Variants in CAPZA1 observed in about 807,000 individuals in gnomAD.
CAPZA1 encodes capping actin protein of muscle Z-line subunit alpha 1, also known as F-actin-capping protein subunit alpha-1.
In CAPZA1, 10 loss-of-function variants were observed where a neutral mutation model predicts 40.8. That is an observed-to-expected ratio of 0.25 (90% CI 0.15 to 0.42). The LOEUF (loss-of-function observed/expected upper bound fraction) is 0.42, where lower values mean the gene tolerates loss of function less well. Ranked by LOEUF, CAPZA1 falls within the 10% of genes least tolerant of loss-of-function variation. The pLI, the probability that CAPZA1 is intolerant of heterozygous loss-of-function variation, is 1.00. For missense variants in CAPZA1, 277 were observed against 353.8 expected (o/e 0.78, Z 1.74); for synonymous variants, 98 against 115.0 (o/e 0.85, Z 0.95).
At chr1:112,665,178 GTTT>G (rs55776312) in intron 7 of CAPZA1, among the ~76,000 whole-genome samples, 1 of 128,944 alleles carries the variant, frequency 7.8e-6, no homozygotes, top group Non-Finnish European at 1.6e-5. Flanking sequence ...GTTTTTTTGT[GTTT>G]TTTTTTTTTT....
At position 112,656,466 on chromosome 1, in the gene CAPZA1, T is replaced by TTTTTTTTTTTTTTTTTTC. The variant is rs1553180448; in HGVS notation, c.426+1795_426+1796insTTTTTTTTTTTTTTTTTC. On this transcript the variant is annotated intron_variant, in intron 5 of 9. Coordinates refer to ENST00000263168, the MANE Select transcript of CAPZA1 (RefSeq NM_006135.3). ...TTTTTTTTTTTTTTTTTTTTTTTTT[T>TTTTTTTTTTTTTTTTTTC]AATGAGAATACCCATTATGGTGGAC... 1.7e-4 allele frequency among the ~76,000 whole-genome samples: 16 copies of TTTTTTTTTTTTTTTTTTC among 94,408 alleles called. 4 individuals carry two copies. The highest frequency in any genetic ancestry group is 8.5e-3 in the Middle Eastern group (1 of 118). The allele number at this position is 94,408 out of a possible 152,430, so 61.9% of individuals were successfully genotyped here. A position where few individuals can be genotyped will look rare whatever the true frequency, so the allele number is the denominator to read the frequency against.
intron 1 of CAPZA1, among the ~76,000 whole-genome samples, chr1:112,623,899 G>A (rs909831362): frequency 4.7e-5 from 7 of 148,352 alleles, no homozygotes; most frequent in South Asian, 2.1e-4. Context: ...CCAGCTAATC[G>A]GGAGGCTGAG....
At position 112,657,788 on chromosome 1, in the gene CAPZA1, C is replaced by T. The variant is rs371474848; in HGVS notation, c.427-1234C>T. 8.5e-5 allele frequency among the ~76,000 whole-genome samples: 13 copies of T among 152,260 alleles called. No individual in the cohort carries two copies. The East Asian group carries it at 2.1e-3, about 25-fold the overall frequency. On this transcript the variant is annotated intron_variant, in intron 5 of 9. Transcript: ENST00000263168. ...TGTATTTTTAGTAGAGATGGGGTTT[C>T]ACCATGTTGGCCGGGCTGGTCTTGA...
At chr1:112,621,761 G>GTTTTTTTTTT (rs11418884) in intron 1 of CAPZA1, among the ~76,000 whole-genome samples, 2 of 122,906 alleles carry the variant, frequency 1.6e-5, no homozygotes, top group South Asian at 5.1e-4. Context: ...TTGGGTTATG[G>GTTTTTTTTTT]TTTTTTTTTT....
At chr1:112,656,901 ATTT>A (rs1257392180) in intron 5 of CAPZA1, among the ~76,000 whole-genome samples, 5 of 139,068 alleles carry the variant, frequency 3.6e-5, no homozygotes, top group Admixed American at 1.4e-4. Flanking sequence ...ACTGACAGAA[ATTT>A]TTTTTTTTTT....
rs374051421 is a variant in CAPZA1 at position 112,620,127 on chromosome 1, C to G, written c.39+244C>G. On this transcript the variant is annotated intron_variant, in intron 1 of 9. Coordinates refer to ENST00000263168, the MANE Select transcript of CAPZA1 (RefSeq NM_006135.3). The stretch of plus-strand genomic sequence containing the variant: ...CCTGAGGCACAGCCCAGGGGCCTCC[C>G]TGCAAGGGAACAGACGTTTCCTTTA... 2.8e-5 allele frequency: 12 copies of G among 427,684 alleles called. No homozygotes were observed. In the East Asian group the frequency reaches 3.7e-4, roughly 13 times the overall value. 26.5% of individuals were successfully genotyped at this position (427,684 alleles called of 1,614,324 possible). A position where few individuals can be genotyped will look rare whatever the true frequency, so the allele number is the denominator to read the frequency against.
chr1:112,640,306 G>C, intron 1 of CAPZA1, among the ~76,000 whole-genome samples: 1 of 132,120 alleles, frequency 7.6e-6, no homozygotes, highest in Non-Finnish European at 1.7e-5. Flanking sequence ...CCCCGTCCGG[G>C]AGGGAGGTGG....
chr1:112,654,444 T>A (rs767229843), intron 4 of CAPZA1, 21 bp from the exon 5 acceptor site: 2 of 1,533,270 alleles, frequency 1.3e-6, no homozygotes, highest in East Asian at 4.5e-5. Context: ...GTTACTCATA[T>A]GTTTAATGAT....
chr1:112,626,848 C>T (rs1670817771), intron 1 of CAPZA1, among the ~76,000 whole-genome samples: 1 of 152,138 alleles, frequency 6.6e-6, no homozygotes, highest in Non-Finnish European at 1.5e-5. Context: ...TGAAATGGAA[C>T]ATTGATCGAA....
intron 1 of CAPZA1, among the ~76,000 whole-genome samples, chr1:112,621,477 CTT>C (rs1374457345): frequency 6.6e-6 from 1 of 152,120 alleles, no homozygotes; most frequent in Non-Finnish European, 1.5e-5. Flanking sequence ...GTCTCAAACT[CTT>C]GGGCTCAAAC....
At chr1:112,658,792 A>G (rs1671544624) in intron 5 of CAPZA1, among the ~76,000 whole-genome samples, 1 of 152,210 alleles carries the variant, frequency 6.6e-6, no homozygotes, top group African/African-American at 2.4e-5. Context: ...CCCGCCTTGT[A>G]CCCCAAACCA....
intron 1 of CAPZA1, among the ~76,000 whole-genome samples, chr1:112,637,154 T>G (rs1443130824): frequency 6.6e-6 from 1 of 152,252 alleles, no homozygotes; most frequent in Non-Finnish European, 1.5e-5. Context: ...CATGCAATCT[T>G]AGACAAGGCA....
At chr1:112,668,646 C>T (rs953576618) in intron 8 of CAPZA1, among the ~76,000 whole-genome samples, 1 of 152,040 alleles carries the variant, frequency 6.6e-6, no homozygotes, top group Non-Finnish European at 1.5e-5. Flanking sequence ...CCACCATGCC[C>T]AGCTAATTTT....
At chr1:112,659,169 C>A in intron 6 of CAPZA1, 68 bp downstream of exon 6, 1 of 999,790 alleles carries the variant, frequency 1.0e-6, no homozygotes, top group Non-Finnish European at 1.6e-6. Flanking sequence ...GGTTTTTAAT[C>A]CAACTAGCTT....
chr1:112,623,838 T>C (rs771773686), intron 1 of CAPZA1, among the ~76,000 whole-genome samples: 44 of 150,636 alleles, frequency 2.9e-4, no homozygotes, highest in Non-Finnish European at 5.9e-4. Flanking sequence ...ACACCGTCTC[T>C]ACTAAAAATA....
chr1:112,659,691 G>C lies in CAPZA1; in HGVS notation c.507-10G>C. ...GCTAATTCTGCAATGTTGTGTGTGT[G>C]TTTTAATAGGAATGGTCGTTGGAGA... On this transcript the variant is annotated splice_polypyrimidine_tract_variant and intron_variant, in intron 6 of 9. Transcript: ENST00000263168. 1 of 1,609,460 alleles carries C rather than the reference G, an allele frequency of 6.2e-7. No homozygotes were observed. Among genetic ancestry groups the C allele is most frequent in the South Asian group, 1.1e-5 (1 of 90,838 alleles).
chr1:112,639,962 TGG>T, intron 1 of CAPZA1, among the ~76,000 whole-genome samples: 1 of 77,738 alleles, frequency 1.3e-5, no homozygotes, highest in South Asian at 5.0e-4. Context: ...GGGAGGGAGG[TGG>T]GGGGGTCAGC....
intron 7 of CAPZA1, among the ~76,000 whole-genome samples, chr1:112,660,328 G>T (rs1671580552): frequency 6.6e-6 from 1 of 152,216 alleles, no homozygotes; most frequent in African/African-American, 2.4e-5. Flanking sequence ...TGCCCAGGCT[G>T]GAGGTGCAAT....
intron 4 of CAPZA1, 112 bp from the exon 5 acceptor site, chr1:112,654,353 T>G: frequency 1.5e-6 from 1 of 651,166 alleles, no homozygotes. Context: ...ATGAAAGAAA[T>G]CTGACTAAAT....
Sources: gnomAD v4.1 joint callset for allele counts (sites outside exome capture counted in the v4.1 genomes callset) on GRCh38, gnomAD v4.1.1 for gene constraint, MANE v1.5 for transcripts, NCBI Gene and HGNC (gene_info 2026-07-23, HGNC 2026-07-21) for gene names.